NCKAP5: variants seen among roughly 807,000 people sequenced by gnomAD.
NCKAP5 encodes NCK associated protein 5.
Under a neutral mutation model 167.0 loss-of-function variants are expected in NCKAP5, and 92 were observed. The ratio of observed to expected loss-of-function variants is 0.55; its 90% CI spans 0.47 to 0.66. The LOEUF (loss-of-function observed/expected upper bound fraction) is 0.66. NCKAP5 is among the 30% of genes least tolerant of loss of function. The pLI is 0.00. For missense variants in NCKAP5, 2,378 were observed against 2,315.0 expected (o/e 1.03, Z -0.56); for synonymous variants, 891 against 877.4 (o/e 1.02, Z -0.27).
intron 3 of NCKAP5, among the ~76,000 whole-genome samples, chr2:133,421,798 G>C (rs1304740164): frequency 6.6e-6 from 1 of 152,182 alleles, no homozygotes; most frequent in African/African-American, 2.4e-5. Context: ...TTTCTGAACA[G>C]GGCCAGTGTG....
At chr2:132,828,862 G>GAT (rs746419777) in intron 11 of NCKAP5, among the ~76,000 whole-genome samples, 2 of 152,150 alleles carry the variant, frequency 1.3e-5, no homozygotes, top group African/African-American at 2.4e-5. Flanking sequence ...TCCTGCCCTA[G>GAT]ATGCCCAATA....
At chr2:133,212,062 C>T (rs114901145) in intron 5 of NCKAP5, among the ~76,000 whole-genome samples, 213 of 152,274 alleles carry the variant, frequency 1.4e-3, no homozygotes, top group South Asian at 4.1e-3. Context: ...AAACTTCACA[C>T]GGGCAAATGC....
chr2:132,772,937 G>A (rs1479641198), intron 16 of NCKAP5, among the ~76,000 whole-genome samples: 3 of 152,216 alleles, frequency 2.0e-5, no homozygotes, highest in Admixed American at 6.5e-5. Flanking sequence ...TGAAAGGAGA[G>A]GAGAAATGGA....
intron 11 of NCKAP5, among the ~76,000 whole-genome samples, chr2:132,810,322 A>T (rs1685767117): frequency 6.6e-6 from 1 of 152,218 alleles, no homozygotes. Context: ...TTAGGTCTCT[A>T]GTGAGGCCAG....
intron 8 of NCKAP5, among the ~76,000 whole-genome samples, chr2:132,885,625 G>A (rs546725310): frequency 1.3e-5 from 2 of 152,144 alleles, no homozygotes; most frequent in South Asian, 2.1e-4. Context: ...GAGCAAATCC[G>A]TATTGGTTTG....
chr2:133,303,481 T>C (rs1680550130), intron 3 of NCKAP5, among the ~76,000 whole-genome samples: 1 of 152,286 alleles, frequency 6.6e-6, no homozygotes, highest in South Asian at 2.1e-4. Flanking sequence ...ATTTTACTGG[T>C]CTTATGACAG....
intron 6 of NCKAP5, among the ~76,000 whole-genome samples, chr2:133,041,688 G>A (rs908440212): frequency 2.6e-5 from 4 of 151,914 alleles, no homozygotes; most frequent in African/African-American, 4.8e-5. Flanking sequence ...AAAATTATAC[G>A]AGATGAAATA....
intron 16 of NCKAP5, among the ~76,000 whole-genome samples, chr2:132,754,193 A>G (rs771223459): frequency 1.2e-4 from 18 of 152,242 alleles, no homozygotes; most frequent in Non-Finnish European, 1.9e-4. Flanking sequence ...TGGCACGATA[A>G]CATGTTTTTA....
intron 3 of NCKAP5, among the ~76,000 whole-genome samples, chr2:133,431,984 C>T (rs545255972): frequency 6.6e-6 from 1 of 152,112 alleles, no homozygotes; most frequent in Non-Finnish European, 1.5e-5. Flanking sequence ...ATTTGTTTCT[C>T]TCTGAAATAG....
intron 4 of NCKAP5, among the ~76,000 whole-genome samples, chr2:133,281,325 A>T (rs1559347887): frequency 6.6e-6 from 1 of 152,226 alleles, no homozygotes; most frequent in Admixed American, 6.5e-5. Flanking sequence ...ATTCAAAATT[A>T]TATTTTTTTC....
chr2:133,209,676 A>G (rs1336191741), intron 5 of NCKAP5, among the ~76,000 whole-genome samples: 1 of 151,926 alleles, frequency 6.6e-6, no homozygotes, highest in Non-Finnish European at 1.5e-5. Context: ...CAGAAAAGGA[A>G]CATTGCTAGA....
chr2:132,741,587 A>G (rs1049424622), intron 16 of NCKAP5, among the ~76,000 whole-genome samples: 6 of 152,078 alleles, frequency 3.9e-5, no homozygotes, highest in Non-Finnish European at 8.8e-5. Flanking sequence ...ACTCCTCACA[A>G]AGCAATGATT....
At chr2:133,476,414 C>T (rs534075027) in intron 3 of NCKAP5, among the ~76,000 whole-genome samples, 1 of 152,324 alleles carries the variant, frequency 6.6e-6, no homozygotes, top group South Asian at 2.1e-4. Context: ...TTCATCAATT[C>T]TAATCGGGCT....
the NCKAP5 span, among the ~76,000 whole-genome samples, chr2:133,594,808 T>C: frequency 1.6e-4 from 25 of 152,294 alleles, no homozygotes; most frequent in African/African-American, 5.5e-4. Context: ...GATATGGGTA[T>C]GTTACATCAC....
chr2:132,826,734 A>G (rs112750667), intron 11 of NCKAP5, among the ~76,000 whole-genome samples: 9 of 152,326 alleles, frequency 5.9e-5, no homozygotes, highest in African/African-American at 1.9e-4. Flanking sequence ...TCCCATGCCT[A>G]GGTAAATCAA....
At chr2:133,142,523 G>A (rs7558369) in intron 5 of NCKAP5, among the ~76,000 whole-genome samples, 27,530 of 152,078 alleles carry the variant, frequency 0.18, 2,720 homozygotes, top group Non-Finnish European at 0.22. Context: ...TCTCTCCCCA[G>A]TTTCCACTCC....
chr2:133,367,216 C>A (rs113798341), intron 3 of NCKAP5, among the ~76,000 whole-genome samples: 102 of 152,294 alleles, frequency 6.7e-4, no homozygotes, highest in African/African-American at 2.4e-3. Flanking sequence ...GGGTTACAGA[C>A]CTGACCTCCT....
chr2:133,474,156 A>C (rs148531248), intron 3 of NCKAP5, among the ~76,000 whole-genome samples: 36 of 65,836 alleles, frequency 5.5e-4, no homozygotes, highest in African/African-American at 3.2e-3. Flanking sequence ...ATCTATCTAT[A>C]CACACACACA....
At chr2:133,325,950 TG>T (rs1377535393) in intron 3 of NCKAP5, among the ~76,000 whole-genome samples, 1 of 152,226 alleles carries the variant, frequency 6.6e-6, no homozygotes, top group African/African-American at 2.4e-5. Flanking sequence ...AAGTTGTTGA[TG>T]GTGTGTGCTG....
Sources: gnomAD v4.1 joint callset for allele counts (sites outside exome capture counted in the v4.1 genomes callset) on GRCh38, gnomAD v4.1.1 for gene constraint, MANE v1.5 for transcripts, NCBI Gene and HGNC (gene_info 2026-07-23, HGNC 2026-07-21) for gene names.